CDYL: variants seen among roughly 807,000 people sequenced by gnomAD.
CDYL encodes the protein chromodomain Y-like protein.
CDYL carries 8 observed loss-of-function variants against 47.3 expected under a neutral mutation model. That is an observed-to-expected ratio of 0.17 (90% CI 0.10 to 0.31). CDYL has a LOEUF of 0.31. CDYL is among the 10% of genes least tolerant of loss of function. CDYL has a pLI of 1.00. For synonymous variants in CDYL, 266 were observed against 265.0 expected (o/e 1.00, Z -0.04); for missense variants, 471 against 701.4 (o/e 0.67, Z 3.71).
chr6:4,917,296 C>T (rs572254958), intron 2 of CDYL, among the ~76,000 whole-genome samples: 11 of 152,098 alleles, frequency 7.2e-5, no homozygotes, highest in South Asian at 2.1e-4. Context: ...GTTTTAATGG[C>T]GTTTCCATCC....
At chr6:4,941,592 TAA>T (rs1277945462) in intron 4 of CDYL, among the ~76,000 whole-genome samples, 1 of 152,138 alleles carries the variant, frequency 6.6e-6, no homozygotes, top group African/African-American at 2.4e-5. Context: ...CAGGCAAAAG[TAA>T]AAATAAAATT....
rs562421524 is a variant in CDYL at position 4,924,565 on chromosome 6, T to C, written c.692-10950T>C. On this transcript the variant is annotated intron_variant, in intron 2 of 6. Transcript: ENST00000397588. ...AATGTGGTCTTTGGTAGTAAGCATT[T>C]CCATCCTCACTCCCCATTGAGCTCT... Among the ~76,000 whole-genome samples the C allele has an allele frequency of 3.9e-5, 6 of 152,346 alleles. No homozygotes were observed. The East Asian group carries it at 1.2e-3, about 29-fold the overall frequency.
intron 3 of CDYL, among the ~76,000 whole-genome samples, chr6:4,752,825 A>G (rs1261532411): frequency 9.1e-6 from 1 of 110,280 alleles, no homozygotes. Context: ...TCATGTCTGC[A>G]AAGGAAAATA....
At chr6:4,763,025 G>T (rs1357350552) in intron 3 of CDYL, among the ~76,000 whole-genome samples, 2 of 152,006 alleles carry the variant, frequency 1.3e-5, no homozygotes, top group African/African-American at 4.8e-5. Context: ...AGAGAAAATG[G>T]TAAAAATAGC....
chr6:4,800,629 A>C (rs76124758), intron 1 of CDYL, among the ~76,000 whole-genome samples: 4,864 of 152,258 alleles, frequency 0.032, 83 homozygotes, highest in Middle Eastern at 0.082. Flanking sequence ...ACCAATGACA[A>C]ATAGTTTATT....
At chr6:4,890,192 C>T (rs529420167) in intron 1 of CDYL, 2 of 974,038 alleles carry the variant, frequency 2.1e-6, no homozygotes, top group African/African-American at 3.5e-5. Flanking sequence ...ATCTCATTGC[C>T]CCTTTTCTTT....
At chr6:4,720,821 G>C (rs1444895812) in intron 2 of CDYL, among the ~76,000 whole-genome samples, 1 of 152,172 alleles carries the variant, frequency 6.6e-6, no homozygotes, top group Non-Finnish European at 1.5e-5. Context: ...TCGGATCATG[G>C]TCGATTTTTA....
chr6:4,794,800 G>T (rs190899325), intron 1 of CDYL, among the ~76,000 whole-genome samples: 1 of 152,080 alleles, frequency 6.6e-6, no homozygotes, highest in Non-Finnish European at 1.5e-5. Context: ...TGTTGGTCTC[G>T]TTGATGGAAA....
At chr6:4,944,993 G>T (rs1353072948) in intron 5 of CDYL, among the ~76,000 whole-genome samples, 4 of 152,116 alleles carry the variant, frequency 2.6e-5, no homozygotes, top group Non-Finnish European at 5.9e-5. Context: ...CTGGGGGGCA[G>T]TCTGCAGACA....
At chr6:4,927,378 T>C (rs1757906515) in intron 2 of CDYL, among the ~76,000 whole-genome samples, 1 of 149,950 alleles carries the variant, frequency 6.7e-6, no homozygotes, top group East Asian at 2.0e-4. Context: ...TTAACTCAGA[T>C]CAATTTTTTA....
intron 3 of CDYL, among the ~76,000 whole-genome samples, chr6:4,743,578 G>T (rs1933225): frequency 0.77 from 117,029 of 152,132 alleles, 45,885 homozygotes; most frequent in Non-Finnish European, 0.84. Flanking sequence ...GCAATTTTGA[G>T]CAAATGTTTT....
chr6:4,728,146 C>T (rs1757546753), intron 2 of CDYL, among the ~76,000 whole-genome samples: 1 of 152,220 alleles, frequency 6.6e-6, no homozygotes, highest in African/African-American at 2.4e-5. Flanking sequence ...AGTGTTATCA[C>T]TCCGCTCCCA....
At chr6:4,748,682 A>ACACACAC (rs1248295380) in intron 3 of CDYL, among the ~76,000 whole-genome samples, 117 of 66,604 alleles carry the variant, frequency 1.8e-3, no homozygotes, top group Non-Finnish European at 3.3e-3. Flanking sequence ...CACACACACA[A>ACACACAC]ACAAATTTTA....
intron 3 of CDYL, among the ~76,000 whole-genome samples, chr6:4,746,022 C>T (rs376945124): frequency 2.0e-5 from 3 of 152,230 alleles, no homozygotes; most frequent in Admixed American, 6.5e-5. Flanking sequence ...TTCATCCTAG[C>T]GAGATAAATG....
intron 1 of CDYL, among the ~76,000 whole-genome samples, chr6:4,889,090 A>G (rs1474365497): frequency 6.6e-6 from 1 of 152,192 alleles, no homozygotes; most frequent in Non-Finnish European, 1.5e-5. Flanking sequence ...TCAGACTTGC[A>G]TAATGTTTCC....
rs201207293 is a variant in CDYL, at chr6:4,727,912, C to T, written c.104-6850C>T. Reference sequence around the variant, plus strand: ...TTGGTTTCAGTCTTGCTGGCTCTTTCTCCTGGGTTACCAACATTTTCCACA... The same window carrying T: ...TTGGTTTCAGTCTTGCTGGCTCTTTTTCCTGGGTTACCAACATTTTCCACA... On this transcript the variant is annotated intron_variant, in intron 2 of 8. Transcript: ENST00000328908. Among the ~76,000 whole-genome samples the T allele has an allele frequency of 1.7e-4, 26 of 152,172 alleles. No individual in the cohort carries two copies. The East Asian group carries it at 4.8e-3, about 28-fold the overall frequency.
chr6:4,712,938 C>T (rs921922145), intron 1 of CDYL, among the ~76,000 whole-genome samples: 3 of 152,126 alleles, frequency 2.0e-5, no homozygotes, highest in African/African-American at 7.2e-5. Context: ...TGAGGCCAGG[C>T]GTTTGAGACC....
intron 3 of CDYL, among the ~76,000 whole-genome samples, chr6:4,745,160 A>C (rs965109571): frequency 2.6e-5 from 4 of 152,086 alleles, no homozygotes; most frequent in African/African-American, 4.8e-5. Flanking sequence ...AGGTCTCACT[A>C]TGTGGCTCAG....
At chr6:4,878,685 T>C (rs957523912) in intron 1 of CDYL, among the ~76,000 whole-genome samples, 3 of 152,232 alleles carry the variant, frequency 2.0e-5, no homozygotes, top group Admixed American at 1.3e-4. Flanking sequence ...CTGTTTTGAC[T>C]TAGGGCTATA....
Sources: gnomAD v4.1 joint callset for allele counts (sites outside exome capture counted in the v4.1 genomes callset) on GRCh38, gnomAD v4.1.1 for gene constraint, MANE v1.5 for transcripts, NCBI Gene and HGNC (gene_info 2026-07-23, HGNC 2026-07-21) for gene names.